Variants in KANK3 observed in about 807,000 individuals in gnomAD.
The protein encoded by KANK3 is KN motif and ankyrin repeat domains 3.
KANK3 carries 61 observed loss-of-function variants against 65.4 expected under a neutral mutation model. That is an observed-to-expected ratio of 0.93 (90% CI 0.76 to 1.15). KANK3 has a LOEUF of 1.15. Among genes scored for constraint, KANK3 ranks in the 50% most tolerant of loss-of-function variants. The probability of loss-of-function intolerance (pLI) is 0.00; values close to 1 mark genes in which losing one functional copy is unlikely to be tolerated. For synonymous variants in KANK3, 586 were observed against 543.3 expected (o/e 1.08, Z -1.09); for missense variants, 1,187 against 1,178.8 (o/e 1.01, Z -0.10).
At chr19:8,324,297 GA>G in intron 10 of KANK3, 151 bp downstream of exon 10, 1 of 681,036 alleles carries the variant, frequency 1.5e-6, no homozygotes, top group Non-Finnish European at 2.5e-6. Context: ...TCCCAAAAAA[GA>G]AAAGCAGCCA....
At chr19:8,324,392 C>G (rs1167606468) in intron 10 of KANK3, 57 bp downstream of exon 10, 9 of 1,480,464 alleles carry the variant, frequency 6.1e-6, no homozygotes, top group Admixed American at 2.0e-5. Context: ...TATTTACTAT[C>G]CTCTGCAAAC....
intron 1 of KANK3, 99 bp from the exon 2 acceptor site, chr19:8,337,955 T>A: frequency 2.1e-6 from 3 of 1,447,260 alleles, no homozygotes; most frequent in Non-Finnish European, 2.8e-6. Context: ...AGAGCTCTCC[T>A]CCACCCAGCC....
At chr19:8,324,884 GTCACAGGTTGAC>G (rs111756439) in intron 8 of KANK3, 54 bp from the exon 9 acceptor site, 364,451 of 1,602,188 alleles carry the variant, frequency 0.23, 43,267 homozygotes, top group African/African-American at 0.34. Context: ...GGGAAGGGAG[GTCACAGGTTGAC>G]TCCCAAAGTG....
At chr19:8,337,055 C>T (rs560933695) in intron 2 of KANK3, among the ~76,000 whole-genome samples, 6 of 151,692 alleles carry the variant, frequency 4.0e-5, no homozygotes, top group African/African-American at 1.5e-4. Flanking sequence ...TTTTTTGAGA[C>T]GGAGTCTTGC....
At position 8,334,397 on chromosome 19, in the gene KANK3, C is replaced by T. The variant is rs969274500; in HGVS notation, c.1350G>A (p.Lys450=). 36 of 1,613,960 alleles carry T rather than the reference C, an allele frequency of 2.2e-5. No homozygotes were observed. Among genetic ancestry groups the T allele is most frequent in the Non-Finnish European group, 2.1e-5 (25 of 1,180,026 alleles). ...APAGILKSIM[K]KRDGTPGAQP... ...GGGCACCAGGTGTGCCGTCTCTCTT[C>T]TTCATGATGGATTTGAGGATGCCTG... Residue 450 remains lysine (K), a synonymous_variant, in exon 4 of 11, where the codon AAG becomes AAA. Transcript: ENST00000330915.
chr19:8,329,492 CAAAAAAAAA>C (rs59607185), intron 7 of KANK3, among the ~76,000 whole-genome samples: 1 of 51,106 alleles, frequency 2.0e-5, no homozygotes, highest in Non-Finnish European at 3.7e-5. Context: ...GACTCGGCCT[CAAAAAAAAA>C]AAAAAAAAAA....
At chr19:8,329,354 G>A (rs1970484752) in intron 7 of KANK3, among the ~76,000 whole-genome samples, 1 of 151,212 alleles carries the variant, frequency 6.6e-6, no homozygotes, top group African/African-American at 2.4e-5. Flanking sequence ...GGGCATGATG[G>A]CGCTTGCCAG....
Position 8,333,055 on chromosome 19 carries a change from G to A in KANK3, c.1895C>T (p.Ser632Phe). The part of the protein sequence containing the change: ...NGNTALHYSV[S>F]HGNLAIASLL... ...GCTTGCGATGGCCAGGTTCCCGTGG[G>A]ACACACTGTAGTGCAGGGCCGTGTT... Residue 632 changes from serine to phenylalanine, a missense_variant, in exon 7 of 11, where the codon TCC (serine) becomes TTC (phenylalanine). Transcript: ENST00000330915. This position sits in a 1 kb window ranked among gnomAD's most constrained non-coding sequence, Gnocchi z 5.0. 8.7e-6 allele frequency: 14 copies of A among 1,611,926 alleles called. No individual in the cohort carries two copies. Among genetic ancestry groups the A allele is most frequent in the Non-Finnish European group, 1.2e-5 (14 of 1,179,406 alleles).
chr19:8,332,544 C>T (rs764686761), intron 7 of KANK3, among the ~76,000 whole-genome samples: 5 of 151,224 alleles, frequency 3.3e-5, no homozygotes, highest in South Asian at 2.1e-4. Context: ...GTTGGCTGGG[C>T]GCAGTGGCTC....
intron 1 of KANK3, among the ~76,000 whole-genome samples, chr19:8,340,662 C>A (rs1233648706): frequency 6.6e-6 from 1 of 152,194 alleles, no homozygotes; most frequent in African/African-American, 2.4e-5. Flanking sequence ...AAGCACTGAG[C>A]ACCCACCAGC....
intron 7 of KANK3, among the ~76,000 whole-genome samples, 200 bp from the exon 8 acceptor site, chr19:8,325,296 C>CTTTTTTTTTCTTTTTTTTTTT (rs1970406979): frequency 1.3e-5 from 1 of 78,604 alleles, no homozygotes; most frequent in African/African-American, 5.4e-5. Flanking sequence ...CCTGTTTCAT[C>CTTTTTTTTTCTTTTTTTTTTT]TTTTTTTTTT....
At chr19:8,332,977 T>G in intron 7 of KANK3, 37 bp downstream of exon 7, 3 of 487,102 alleles carry the variant, frequency 6.2e-6, no homozygotes, top group Non-Finnish European at 8.1e-6. Flanking sequence ...CCCCCACCCA[T>G]TTCCTGGTGT....
At position 8,333,662 on chromosome 19, in the gene KANK3, G is replaced by T; in HGVS notation, c.1719+62C>A. 1 of 1,316,606 alleles carries T rather than the reference G, an allele frequency of 7.6e-7. No homozygotes were observed. The highest frequency in any genetic ancestry group is 1.0e-6 in the Non-Finnish European group (1 of 999,018). The allele number at this position is 1,316,606 out of a possible 1,614,324, so 81.6% of individuals were successfully genotyped here. Reference sequence around the variant, plus strand: ...GAACCCGGTGTGCTCCCCTAAGTGGGCGTCAGAGGTCCTTGGAGGCTCCCA... The same window carrying T: ...GAACCCGGTGTGCTCCCCTAAGTGGTCGTCAGAGGTCCTTGGAGGCTCCCA... On this transcript the variant is annotated intron_variant, in intron 6 of 10. Coordinates refer to ENST00000330915, the MANE Select transcript of KANK3 (RefSeq NM_198471.3). This position sits in a 1 kb window ranked among gnomAD's most constrained non-coding sequence, Gnocchi z 5.0.
At chr19:8,325,493 G>A (rs759166284) in intron 7 of KANK3, among the ~76,000 whole-genome samples, 33 of 151,254 alleles carry the variant, frequency 2.2e-4, no homozygotes, top group Non-Finnish European at 3.2e-4. Flanking sequence ...GGCTAGTCTC[G>A]AACTCCTGAC....
chr19:8,330,905 A>C (rs942653699), intron 7 of KANK3, among the ~76,000 whole-genome samples: 1 of 151,518 alleles, frequency 6.6e-6, no homozygotes, highest in Non-Finnish European at 1.5e-5. Flanking sequence ...TCTGTTCGAA[A>C]AAACAAACAA....
chr19:8,333,270 C>T lies in KANK3; in HGVS notation c.1720-40G>A. 6.5e-7 allele frequency: 1 copy of T among 1,528,514 alleles called. No individual in the cohort carries two copies. Among genetic ancestry groups the T allele is most frequent in the Non-Finnish European group, 8.9e-7 (1 of 1,124,298 alleles). 94.7% of individuals were successfully genotyped at this position (1,528,514 alleles called of 1,614,324 possible). ...GGCCAAGATAACATCGGCGATGGTC[C>T]ACGGCGGCGCCGTGGTGGGGGAGCT... On this transcript the variant is annotated intron_variant, in intron 6 of 10. Transcript: ENST00000330915. The surrounding 1 kb of genome is among the most constrained non-coding windows in gnomAD (Gnocchi z 5.0).
intron 1 of KANK3, among the ~76,000 whole-genome samples, chr19:8,340,884 C>T (rs577242084): frequency 5.3e-4 from 80 of 152,286 alleles, no homozygotes; most frequent in African/African-American, 1.9e-3. Context: ...CAGCCAATGC[C>T]GTTCATCACT....
chr19:8,341,790 C>A lies in KANK3; in HGVS notation c.-29+1435G>T, dbSNP rs554747606. On this transcript the variant is annotated intron_variant, in intron 1 of 10. Transcript: ENST00000330915. ...ACAAGCATGAGCTACTGCACCTGAC[C>A]TTGACTTATTTTTTAAAATCCTAGC... Among the ~76,000 whole-genome samples, 353 of 152,272 alleles carry A rather than the reference C, an allele frequency of 2.3e-3. 6 individuals carry two copies. Among genetic ancestry groups the A allele is most frequent in the South Asian group, 4.8e-3 (23 of 4,828 alleles).
At chr19:8,331,371 G>A (rs1359948652) in intron 7 of KANK3, among the ~76,000 whole-genome samples, 1 of 107,116 alleles carries the variant, frequency 9.3e-6, no homozygotes, top group African/African-American at 3.1e-5. Context: ...ACTGTCCCCT[G>A]TCTCCTACAA....
Sources: gnomAD v4.1 joint callset for allele counts (sites outside exome capture counted in the v4.1 genomes callset) on GRCh38, gnomAD v4.1.1 for gene constraint, Gnocchi (gnomAD v3.1) non-coding constraint, MANE v1.5 for transcripts, NCBI Gene and HGNC (gene_info 2026-07-23, HGNC 2026-07-21) for gene names.